The following RTN1 variants were observed in gnomAD, a reference collection of about 807,000 sequenced individuals.
The protein encoded by RTN1 is reticulon 1.
In RTN1, 25 loss-of-function variants were observed where a neutral mutation model predicts 65.5. The ratio of observed to expected loss-of-function variants is 0.38; its 90% CI spans 0.28 to 0.53. The LOEUF (loss-of-function observed/expected upper bound fraction) is 0.53. Ranked by LOEUF, RTN1 falls within the 20% of genes least tolerant of loss-of-function variation. The pLI is 0.79. For missense variants in RTN1, 983 were observed against 1,025.4 expected (o/e 0.96, Z 0.57); for synonymous variants, 471 against 447.6 (o/e 1.05, Z -0.66).
At chr14:59,839,525 C>A (rs571561584) in intron 1 of RTN1, among the ~76,000 whole-genome samples, 12 of 152,286 alleles carry the variant, frequency 7.9e-5, no homozygotes, top group Non-Finnish European at 4.4e-5. Context: ...CTCAGGTTAA[C>A]TGTTTGACTA....
intron 3 of RTN1, among the ~76,000 whole-genome samples, chr14:59,724,401 G>T (rs1224059066): frequency 6.6e-6 from 1 of 152,178 alleles, no homozygotes; most frequent in Non-Finnish European, 1.5e-5. Context: ...TCCAGCATCA[G>T]CAGGATGGCT....
At chr14:59,664,087 G>A (rs1037021581) in intron 3 of RTN1, among the ~76,000 whole-genome samples, 23 of 152,044 alleles carry the variant, frequency 1.5e-4, no homozygotes, top group African/African-American at 5.6e-4. Context: ...GCAATGATAC[G>A]CTGGATAAAG....
chr14:59,664,848 G>C (rs929565255), intron 3 of RTN1, among the ~76,000 whole-genome samples: 6 of 152,030 alleles, frequency 3.9e-5, no homozygotes, highest in African/African-American at 1.4e-4. Context: ...ATTTCCCTGG[G>C]ATAAATGCCA....
At chr14:59,782,361 GAGA>G (rs1239074760) in intron 1 of RTN1, among the ~76,000 whole-genome samples, 7 of 152,202 alleles carry the variant, frequency 4.6e-5, no homozygotes, top group African/African-American at 1.7e-4. Flanking sequence ...AAATCTGTTG[GAGA>G]AGGAGAAAAT....
chr14:59,750,157 A>ATATAATCTATAAT (rs1566713213), intron 1 of RTN1, among the ~76,000 whole-genome samples: 4 of 52,544 alleles, frequency 7.6e-5, no homozygotes, highest in Admixed American at 3.7e-4. Context: ...TATTATAGAT[A>ATATAATCTATAAT]ATATATATTA....
intron 3 of RTN1, among the ~76,000 whole-genome samples, chr14:59,651,253 C>T (rs1192743290): frequency 6.6e-6 from 1 of 152,130 alleles, no homozygotes; most frequent in Non-Finnish European, 1.5e-5. Context: ...ACCATCTGAT[C>T]TCTGACAAAC....
chr14:59,738,490 G>A (rs994785321), intron 2 of RTN1, among the ~76,000 whole-genome samples: 1 of 152,104 alleles, frequency 6.6e-6, no homozygotes, highest in African/African-American at 2.4e-5. Flanking sequence ...TTACCAAAAA[G>A]TCAAAAAACA....
intron 1 of RTN1, among the ~76,000 whole-genome samples, chr14:59,795,430 G>T (rs543702359): frequency 5.2e-4 from 79 of 152,284 alleles, no homozygotes; most frequent in Non-Finnish European, 9.4e-4. Context: ...GCCGGGTGCA[G>T]TGGTTCATGC....
chr14:59,810,622 G>A (rs554948189), intron 1 of RTN1, among the ~76,000 whole-genome samples: 1 of 152,294 alleles, frequency 6.6e-6, no homozygotes, highest in Admixed American at 6.5e-5. Context: ...ATAAAAAGAT[G>A]TGATGCCTGG....
At chr14:59,616,222 T>C (rs1356260506) in intron 3 of RTN1, among the ~76,000 whole-genome samples, 3 of 152,196 alleles carry the variant, frequency 2.0e-5, no homozygotes, top group Non-Finnish European at 4.4e-5. Context: ...ACTCCTGTTA[T>C]TCTAATATAA....
At chr14:59,609,327 TC>T (rs1881871874) in intron 3 of RTN1, among the ~76,000 whole-genome samples, 1 of 151,550 alleles carries the variant, frequency 6.6e-6, no homozygotes, top group Admixed American at 6.6e-5. Flanking sequence ...CTAATCCTTT[TC>T]TTTTTTTTTT....
intron 1 of RTN1, among the ~76,000 whole-genome samples, chr14:59,830,887 T>A (rs11629060): frequency 0.032 from 4,866 of 152,300 alleles, 216 homozygotes; most frequent in East Asian, 0.2. Flanking sequence ...TTGTTATTAC[T>A]ATTATTAATC....
intron 5 of RTN1, 65 bp from the exon 6 acceptor site, chr14:59,603,986 T>C (rs371416833): frequency 1.1e-4 from 141 of 1,286,522 alleles, no homozygotes; most frequent in Middle Eastern, 5.6e-4. Flanking sequence ...TCTCATATCA[T>C]TGACTTTTAC....
chr14:59,813,096 T>C (rs1886758573), intron 1 of RTN1, among the ~76,000 whole-genome samples: 1 of 152,190 alleles, frequency 6.6e-6, no homozygotes, highest in South Asian at 2.1e-4. Flanking sequence ...TCTCCCTTCA[T>C]TGTAAAGGTG....
rs1172989902 is a variant in RTN1, at chr14:59,846,424, ACACACACGTGTGTAC to A, written c.241+23951_241+23965del. 6.6e-6 allele frequency among the ~76,000 whole-genome samples: 1 copy of A among 151,876 alleles called. No individual in the cohort carries two copies. Among genetic ancestry groups the A allele is most frequent in the African/African-American group, 2.4e-5 (1 of 41,302 alleles). Reference sequence around the variant, plus strand: ...AGTTGATGTATGCACACGTGTGTACACACACACGTGTGTACCACACACATCCACACTCATCTGTCA... The same window carrying A: ...AGTTGATGTATGCACACGTGTGTACACACACACATCCACACTCATCTGTCA... On this transcript the variant is annotated intron_variant, in intron 1 of 8. Coordinates refer to ENST00000267484, the MANE Select transcript of RTN1 (RefSeq NM_021136.3). This position sits in a 1 kb window ranked among gnomAD's most constrained non-coding sequence, Gnocchi z 4.8.
At chr14:59,704,697 G>C (rs144153610) in intron 3 of RTN1, among the ~76,000 whole-genome samples, 3 of 152,318 alleles carry the variant, frequency 2.0e-5, no homozygotes, top group Non-Finnish European at 4.4e-5. Context: ...AGAGAGCAGA[G>C]AGGAGAGAAG....
At chr14:59,673,940 T>C (rs565452525) in intron 3 of RTN1, among the ~76,000 whole-genome samples, 3 of 152,338 alleles carry the variant, frequency 2.0e-5, no homozygotes, top group East Asian at 3.9e-4. Context: ...AATCCCCCAA[T>C]CTTATTCATA....
In RTN1 at chr14:59,727,092, T is replaced by C. The variant is rs1234027916; in HGVS notation, c.1592A>G (p.Gln531Arg). ...TCCAGGGGGCAGCTCGGGGCCAGGC[T>C]GGGGCTCAGTTGAGGGGTAGTCGAG... ...SFLDYPSTEP[Q>R]PGPELPPGDG... is the part of the protein sequence containing the mutation. Residue 531 changes from glutamine to arginine, a missense_variant, in exon 3 of 9, where the codon CAG becomes CGG. Transcript: ENST00000267484. This position sits in a 1 kb window ranked among gnomAD's most constrained non-coding sequence, Gnocchi z 4.2. The C allele has an allele frequency of 1.2e-6, 2 of 1,611,164 alleles. No individual in the cohort carries two copies. The highest frequency in any genetic ancestry group is 4.5e-5 in the East Asian group (2 of 44,760).
intron 3 of RTN1, among the ~76,000 whole-genome samples, chr14:59,686,758 C>G (rs986033081): frequency 6.6e-6 from 1 of 152,152 alleles, no homozygotes; most frequent in East Asian, 1.9e-4. Flanking sequence ...TTATGTTTCT[C>G]CAAGCCCTGG....
Sources: allele counts gnomAD v4.1 joint callset (sites outside exome capture counted in the v4.1 genomes callset), GRCh38; gene constraint gnomAD v4.1.1; non-coding constraint Gnocchi (gnomAD v3.1); transcripts MANE v1.5; gene names NCBI Gene and HGNC (gene_info 2026-07-23, HGNC 2026-07-21).